ZC3H12B: variants seen among roughly 807,000 people sequenced by gnomAD.
ZC3H12B encodes the protein zinc finger CCCH-type containing 12B.
ZC3H12B carries 7 observed loss-of-function variants against 43.9 expected under a neutral mutation model. That is an observed-to-expected ratio of 0.16 (90% CI 0.09 to 0.30). The LOEUF is 0.30. Among genes scored for constraint, ZC3H12B ranks in the 10% least tolerant of loss-of-function variants. The pLI is 1.00. For missense variants in ZC3H12B, 475 were observed against 670.2 expected, an observed-to-expected ratio of 0.71 and a Z score of 3.22; for synonymous variants, 222 against 241.7, an observed-to-expected ratio of 0.92 and a Z score of 0.76.
At chrX:65,228,863 A>T in the ZC3H12B span, among the ~76,000 whole-genome samples, 1 of 111,723 alleles carries the variant, frequency 9.0e-6, no homozygotes, top group African/African-American at 3.3e-5. Context: ...ACTACAAACC[A>T]CTGCTCAAGG....
chrX:65,317,628 T>C, the ZC3H12B span, among the ~76,000 whole-genome samples: 1 of 108,975 alleles, frequency 9.2e-6, no homozygotes, highest in Non-Finnish European at 1.9e-5. Flanking sequence ...GAACATACGA[T>C]GTTTGGGTTT....
the ZC3H12B span, among the ~76,000 whole-genome samples, chrX:65,080,696 C>T: frequency 9.0e-6 from 1 of 111,585 alleles, no homozygotes; most frequent in Non-Finnish European, 1.9e-5. Flanking sequence ...GGGATTTAAT[C>T]AATAACAGAC....
At chrX:65,492,651 G>A (rs1231949469) in intron 1 of ZC3H12B, among the ~76,000 whole-genome samples, 1 of 111,842 alleles carries the variant, frequency 8.9e-6, no homozygotes, top group Non-Finnish European at 1.9e-5. Flanking sequence ...AAAGTTCAGC[G>A]CTATAGTCTA....
upstream of ZC3H12B, among the ~76,000 whole-genome samples, chrX:65,364,060 C>T (rs1274344428): frequency 9.0e-6 from 1 of 111,042 alleles, no homozygotes; most frequent in Non-Finnish European, 1.9e-5. Flanking sequence ...TTCCTTCTTT[C>T]CTATTCCTCA....
At chrX:65,108,575 A>T in the ZC3H12B span, among the ~76,000 whole-genome samples, 1 of 109,374 alleles carries the variant, frequency 9.1e-6, no homozygotes, top group Admixed American at 9.9e-5. Flanking sequence ...GTCACCTACT[A>T]TGATAACAAT....
chrX:65,472,821 C>A (rs1273316185), intron 3 of ZC3H12B, among the ~76,000 whole-genome samples: 1 of 41,991 alleles, frequency 2.4e-5, no homozygotes, highest in Non-Finnish European at 3.4e-5. Context: ...ATTACCATAC[C>A]TTTGATATAT....
chrX:65,211,205 A>G, the ZC3H12B span, among the ~76,000 whole-genome samples: 1 of 108,351 alleles, frequency 9.2e-6, no homozygotes, highest in Non-Finnish European at 1.9e-5. Flanking sequence ...TCTGGATATT[A>G]GCCCTTTGTC....
intron 1 of ZC3H12B, among the ~76,000 whole-genome samples, chrX:65,367,127 C>T (rs907397185): frequency 8.9e-6 from 1 of 111,881 alleles, no homozygotes; most frequent in Non-Finnish European, 1.9e-5. Context: ...ACTGTGGAGG[C>T]AACTTGTGAC....
chrX:65,225,391 A>C, the ZC3H12B span, among the ~76,000 whole-genome samples: 1 of 112,288 alleles, frequency 8.9e-6, no homozygotes, highest in South Asian at 3.7e-4. Flanking sequence ...CCATCATCAA[A>C]GACCAACAGT....
At chrX:65,202,764 T>C in the ZC3H12B span, among the ~76,000 whole-genome samples, 161 of 110,499 alleles carry the variant, frequency 1.5e-3, no homozygotes, top group African/African-American at 5.1e-3. Context: ...CCTATATTCA[T>C]GCAAGGCCCT....
the ZC3H12B span, among the ~76,000 whole-genome samples, chrX:65,164,190 G>T: frequency 1.8e-5 from 2 of 111,371 alleles, no homozygotes; most frequent in African/African-American, 6.5e-5. Flanking sequence ...ACATTTTGGT[G>T]GCCAGGGACT....
the ZC3H12B span, among the ~76,000 whole-genome samples, chrX:65,220,404 C>G: frequency 8.9e-6 from 1 of 111,754 alleles, no homozygotes; most frequent in Non-Finnish European, 1.9e-5. Context: ...TTAAAAGATA[C>G]AGAATGGCCG....
At chrX:65,114,445 A>G in the ZC3H12B span, among the ~76,000 whole-genome samples, 1 of 110,272 alleles carries the variant, frequency 9.1e-6, no homozygotes, top group East Asian at 2.9e-4. Flanking sequence ...CTAATAATAT[A>G]TTTCATATTG....
the ZC3H12B span, among the ~76,000 whole-genome samples, chrX:65,338,115 TAG>T: frequency 8.9e-6 from 1 of 112,082 alleles, no homozygotes; most frequent in Non-Finnish European, 1.9e-5. Flanking sequence ...GTTGCTCTAA[TAG>T]AGTCTTTGGA....
At chrX:65,352,434 C>A in the ZC3H12B span, among the ~76,000 whole-genome samples, 1 of 105,164 alleles carries the variant, frequency 9.5e-6, no homozygotes, top group African/African-American at 3.5e-5. Flanking sequence ...ACTGCACATT[C>A]TGCACACGTA....
chrX:65,332,456 A>G, the ZC3H12B span, among the ~76,000 whole-genome samples: 1 of 112,032 alleles, frequency 8.9e-6, no homozygotes, highest in African/African-American at 3.2e-5. Context: ...TTCTACAACA[A>G]TAAAGCAAAA....
At chrX:65,498,848 T>G in intron 2 of ZC3H12B, 151 bp from the exon 8 acceptor site, 2 of 450,285 alleles carry the variant, frequency 4.4e-6, no homozygotes, top group South Asian at 7.7e-5. Flanking sequence ...TAATCCAGAT[T>G]GATATCATAG....
At chrX:65,047,108 AAG>A in the ZC3H12B span, among the ~76,000 whole-genome samples, 2 of 111,589 alleles carry the variant, frequency 1.8e-5, no homozygotes, top group Non-Finnish European at 3.8e-5. Context: ...AACAAAATGT[AAG>A]AGAGACATGA....
At chrX:65,255,675 C>G in the ZC3H12B span, among the ~76,000 whole-genome samples, 1 of 112,091 alleles carries the variant, frequency 8.9e-6, no homozygotes, top group East Asian at 2.8e-4. Context: ...GAATCACACC[C>G]ATACCTGTCA....
Sources: gnomAD v4.1 joint callset for allele counts (sites outside exome capture counted in the v4.1 genomes callset) on GRCh38, gnomAD v4.1.1 for gene constraint, MANE v1.5 for transcripts, NCBI Gene and HGNC (gene_info 2026-07-23, HGNC 2026-07-21) for gene names.